The following CTNNA3 variants were observed in gnomAD, a reference collection of about 807,000 sequenced individuals.
CTNNA3 encodes the protein catenin alpha-3.
CTNNA3 carries 76 observed loss-of-function variants against 95.7 expected under a neutral mutation model. That is an observed-to-expected ratio of 0.79 (90% CI 0.66 to 0.96). CTNNA3 has a LOEUF of 0.96. CTNNA3 is among the 40% of genes least tolerant of loss of function. The pLI, the probability that CTNNA3 is intolerant of heterozygous loss-of-function variation, is 0.00. For missense variants in CTNNA3, 1,191 were observed against 1,089.8 expected (o/e 1.09, Z -1.31); for synonymous variants, 431 against 374.4 (o/e 1.15, Z -1.74).
At chr10:66,588,120 A>G (rs1843421849) in intron 10 of CTNNA3, among the ~76,000 whole-genome samples, 1 of 151,856 alleles carries the variant, frequency 6.6e-6, no homozygotes, top group Admixed American at 6.6e-5. Flanking sequence ...GTGCATCCTG[A>G]TACCGCTTCT....
At chr10:67,233,113 G>C (rs574064427) in intron 5 of CTNNA3, among the ~76,000 whole-genome samples, 3 of 152,138 alleles carry the variant, frequency 2.0e-5, no homozygotes, top group African/African-American at 7.2e-5. Context: ...GAGACAGAAA[G>C]TCAACAAAGA....
chr10:66,160,611 T>C (rs1449067076), intron 13 of CTNNA3, among the ~76,000 whole-genome samples: 1 of 152,146 alleles, frequency 6.6e-6, no homozygotes, highest in Non-Finnish European at 1.5e-5. Flanking sequence ...ATATGGTCTA[T>C]CTTGGAGAAA....
intron 15 of CTNNA3, among the ~76,000 whole-genome samples, chr10:66,004,874 T>G (rs552303474): frequency 1.3e-5 from 2 of 152,362 alleles, no homozygotes; most frequent in East Asian, 3.9e-4. Context: ...CATTAGTTTC[T>G]TATCGCTGCT....
chr10:66,906,973 T>A (rs1846013318), intron 7 of CTNNA3, among the ~76,000 whole-genome samples: 1 of 152,078 alleles, frequency 6.6e-6, no homozygotes, highest in African/African-American at 2.4e-5. Context: ...TTTGGAAATT[T>A]ACATAACATA....
At chr10:67,145,555 T>C (rs1860800024) in intron 7 of CTNNA3, among the ~76,000 whole-genome samples, 1 of 151,778 alleles carries the variant, frequency 6.6e-6, no homozygotes, top group African/African-American at 2.4e-5. Flanking sequence ...CTCAGCCTCC[T>C]GAGTAACTGG....
At chr10:67,530,196 G>A (rs1840284545) in intron 4 of CTNNA3, among the ~76,000 whole-genome samples, 2 of 152,170 alleles carry the variant, frequency 1.3e-5, no homozygotes, top group Admixed American at 6.5e-5. Context: ...GTAGAGTGGG[G>A]TGCTGCTGTA....
intron 7 of CTNNA3, among the ~76,000 whole-genome samples, chr10:67,112,210 T>C (rs1175143983): frequency 1.3e-5 from 2 of 152,202 alleles, no homozygotes; most frequent in South Asian, 4.1e-4. Flanking sequence ...TCTTATTTTA[T>C]AGCTGATCTA....
At chr10:66,012,432 GT>G (rs2079022387) in intron 15 of CTNNA3, among the ~76,000 whole-genome samples, 1 of 152,162 alleles carries the variant, frequency 6.6e-6, no homozygotes, top group Non-Finnish European at 1.5e-5. Context: ...TTAAAGTCCA[GT>G]TGGGGTTTTA....
At chr10:65,997,225 T>G (rs1212167020) in intron 15 of CTNNA3, among the ~76,000 whole-genome samples, 2 of 152,158 alleles carry the variant, frequency 1.3e-5, no homozygotes, top group Non-Finnish European at 2.9e-5. Flanking sequence ...TAGCATTCAC[T>G]TAAAAGGAAA....
intron 1 of CTNNA3, among the ~76,000 whole-genome samples, chr10:67,706,010 G>T (rs1841076838): frequency 6.6e-6 from 1 of 152,062 alleles, no homozygotes; most frequent in Non-Finnish European, 1.5e-5. Flanking sequence ...GCAGAAAGCA[G>T]GTGCTTTTAA....
chr10:66,345,156 T>C (rs2092495384), intron 12 of CTNNA3, among the ~76,000 whole-genome samples: 1 of 152,028 alleles, frequency 6.6e-6, no homozygotes, highest in African/African-American at 2.4e-5. Flanking sequence ...GAACTACAAA[T>C]GCTGCTGTTA....
intron 11 of CTNNA3, among the ~76,000 whole-genome samples, chr10:66,411,896 C>A (rs1713525367): frequency 6.6e-6 from 1 of 152,152 alleles, no homozygotes; most frequent in Non-Finnish European, 1.5e-5. Flanking sequence ...AGGTGACCCA[C>A]TGAGCCCTCA....
chr10:67,365,703 A>G (rs1589219185), intron 5 of CTNNA3, among the ~76,000 whole-genome samples: 1 of 152,216 alleles, frequency 6.6e-6, no homozygotes, highest in Non-Finnish European at 1.5e-5. Context: ...TTAGAATGGC[A>G]ATCATTAAAA....
intron 11 of CTNNA3, among the ~76,000 whole-genome samples, chr10:66,396,152 T>C (rs1007606247): frequency 3.9e-5 from 6 of 152,032 alleles, no homozygotes; most frequent in Admixed American, 1.3e-4. Context: ...ATTCCATGCA[T>C]ATACCATATT....
At chr10:66,426,670 C>T (rs1170853609) in intron 11 of CTNNA3, among the ~76,000 whole-genome samples, 1 of 151,706 alleles carries the variant, frequency 6.6e-6, no homozygotes, top group Non-Finnish European at 1.5e-5. Context: ...TTGCCTCTTA[C>T]CATTAACTTC....
At chr10:66,694,690 C>A (rs762785376) in intron 9 of CTNNA3, among the ~76,000 whole-genome samples, 1 of 152,024 alleles carries the variant, frequency 6.6e-6, no homozygotes, top group African/African-American at 2.4e-5. Flanking sequence ...ATTAGGTGCT[C>A]GCAGGCCATA....
At chr10:65,990,660 TTTTAAATATTAAATATTTAAATAA>T (rs1285476922) in intron 15 of CTNNA3, among the ~76,000 whole-genome samples, 1 of 151,238 alleles carries the variant, frequency 6.6e-6, no homozygotes, top group Non-Finnish European at 1.5e-5. Context: ...TTGCAAATAT[TTTTAAATATTAAATATTTAAATAA>T]TTTAAATATT....
intron 17 of CTNNA3, among the ~76,000 whole-genome samples, chr10:65,944,860 CT>C (rs1355765486): frequency 2.4e-5 from 2 of 84,418 alleles, no homozygotes; most frequent in African/African-American, 7.7e-5. Context: ...ATCTGTCTAT[CT>C]ATCTATCTAT....
At chr10:66,482,031 T>G (rs1211657583) in intron 11 of CTNNA3, among the ~76,000 whole-genome samples, 1 of 152,128 alleles carries the variant, frequency 6.6e-6, no homozygotes, top group Admixed American at 6.5e-5. Context: ...GGTCTAAATT[T>G]ATGTGTATGT....
Sources: gnomAD v4.1 joint callset for allele counts (sites outside exome capture counted in the v4.1 genomes callset) on GRCh38, gnomAD v4.1.1 for gene constraint, MANE v1.5 for transcripts, NCBI Gene and HGNC (gene_info 2026-07-23, HGNC 2026-07-21) for gene names.